TTC28: variants seen among roughly 807,000 people sequenced by gnomAD.
The protein encoded by TTC28 is tetratricopeptide repeat protein 28.
A neutral mutation model predicts 198.0 loss-of-function variants in TTC28; 61 were observed. The ratio of observed to expected loss-of-function variants is 0.31; its 90% CI spans 0.25 to 0.38. The LOEUF is 0.38. Ranked by LOEUF, TTC28 falls within the 10% of genes least tolerant of loss-of-function variation. The pLI, the probability that TTC28 is intolerant of heterozygous loss-of-function variation, is 1.00. For synonymous variants in TTC28, 1,171 were observed against 1,297.8 expected, an observed-to-expected ratio of 0.90 and a Z score of 2.10; for missense variants, 2,678 against 3,164.0, an observed-to-expected ratio of 0.85 and a Z score of 3.69.
At chr22:28,125,087 C>T (rs746059727) in intron 6 of TTC28, among the ~76,000 whole-genome samples, 2 of 152,174 alleles carry the variant, frequency 1.3e-5, no homozygotes, top group Non-Finnish European at 2.9e-5. Flanking sequence ...AAAGAGCTCA[C>T]CATGCTCTCA....
intron 12 of TTC28, among the ~76,000 whole-genome samples, chr22:28,032,267 AGTGT>A (rs370005298): frequency 0.065 from 5,058 of 78,086 alleles, 309 homozygotes; most frequent in Middle Eastern, 0.11. Context: ...ATATATATAT[AGTGT>A]GTGTGTGTGT....
At chr22:28,217,769 T>C (rs186486804) in intron 5 of TTC28, among the ~76,000 whole-genome samples, 1 of 152,342 alleles carries the variant, frequency 6.6e-6, no homozygotes. Context: ...CATAACAATG[T>C]TTAATGTATA....
At chr22:28,335,897 G>T (rs1160839084) in intron 2 of TTC28, among the ~76,000 whole-genome samples, 1 of 152,164 alleles carries the variant, frequency 6.6e-6, no homozygotes, top group Non-Finnish European at 1.5e-5. Flanking sequence ...TGGTGAGAGA[G>T]GGCATCCCTG....
Position 28,593,697 on chromosome 22 carries a change from A to G in TTC28, c.381+35855T>C, listed in dbSNP as rs77983580. Among the ~76,000 whole-genome samples, 211 of 152,318 alleles carry G rather than the reference A, an allele frequency of 1.4e-3. 2 individuals carry two copies. Among genetic ancestry groups the G allele is most frequent in the African/African-American group, 5.0e-3 (208 of 41,572 alleles). On this transcript the variant is annotated intron_variant, in intron 2 of 22. Transcript: ENST00000397906. ...AGTTTTTACTGTACACTCTTTTTGTACCTTCTTAAATTTTATTGTATAAGT... is the reference window on the plus strand; with the variant it reads ...AGTTTTTACTGTACACTCTTTTTGTGCCTTCTTAAATTTTATTGTATAAGT...
chr22:27,992,971 C>T (rs1027569177), intron 18 of TTC28: 7 of 558,368 alleles, frequency 1.3e-5, no homozygotes, highest in Admixed American at 6.8e-5. Flanking sequence ...CGCACAGCTT[C>T]ATCGGGGCCA....
intron 5 of TTC28, among the ~76,000 whole-genome samples, chr22:28,210,891 G>C (rs1241329345): frequency 6.6e-6 from 1 of 152,116 alleles, no homozygotes; most frequent in Admixed American, 6.5e-5. Context: ...CAGAGAGAAA[G>C]GTCGGGTTAT....
chr22:27,989,640 G>A (rs1265901112), intron 21 of TTC28, among the ~76,000 whole-genome samples: 1 of 151,980 alleles, frequency 6.6e-6, no homozygotes, highest in African/African-American at 2.4e-5. Context: ...TAGAGATGGG[G>A]TCTCCCTGTG....
chr22:28,484,574 A>G (rs2048294582), intron 2 of TTC28, among the ~76,000 whole-genome samples: 1 of 152,112 alleles, frequency 6.6e-6, no homozygotes, highest in African/African-American at 2.4e-5. Context: ...CATCCTATGT[A>G]CTCATCATAC....
intron 5 of TTC28, among the ~76,000 whole-genome samples, chr22:28,193,036 G>A (rs1469554293): frequency 3.3e-5 from 5 of 152,196 alleles, no homozygotes; most frequent in Non-Finnish European, 7.3e-5. Context: ...AGGGCAGCCA[G>A]AGAGAAAGGT....
At chr22:28,579,206 CACAT>C (rs932969739) in intron 2 of TTC28, among the ~76,000 whole-genome samples, 24 of 149,934 alleles carry the variant, frequency 1.6e-4, no homozygotes, top group Middle Eastern at 3.7e-3. Flanking sequence ...ATTATATATA[CACAT>C]ACATACATAC....
intron 12 of TTC28, among the ~76,000 whole-genome samples, chr22:28,091,615 C>A (rs932603899): frequency 6.6e-6 from 1 of 152,098 alleles, no homozygotes; most frequent in South Asian, 2.1e-4. Context: ...GGCTTAGGGA[C>A]ACAAAGTCCC....
intron 2 of TTC28, among the ~76,000 whole-genome samples, chr22:28,429,423 C>T (rs980007468): frequency 6.6e-6 from 1 of 152,304 alleles, no homozygotes; most frequent in Admixed American, 6.5e-5. Flanking sequence ...CACTAACATA[C>T]TTGCCTCGAT....
intron 12 of TTC28, among the ~76,000 whole-genome samples, chr22:28,065,005 T>C (rs1446309194): frequency 6.6e-6 from 1 of 152,236 alleles, no homozygotes; most frequent in Non-Finnish European, 1.5e-5. Flanking sequence ...AGTGTACTGA[T>C]GCATCATTTT....
At chr22:28,123,073 A>G (rs542249960) in intron 6 of TTC28, among the ~76,000 whole-genome samples, 1 of 152,324 alleles carries the variant, frequency 6.6e-6, no homozygotes, top group African/African-American at 2.4e-5. Flanking sequence ...AGCAGGCCCA[A>G]ACTTCTCTTG....
At chr22:28,201,018 G>A (rs769406500) in intron 5 of TTC28, among the ~76,000 whole-genome samples, 2 of 152,056 alleles carry the variant, frequency 1.3e-5, no homozygotes, top group Admixed American at 6.6e-5. Flanking sequence ...TCCTCACTAC[G>A]TGCCAGGCAG....
At chr22:28,621,758 A>AAAAAG (rs2051002883) in intron 2 of TTC28, among the ~76,000 whole-genome samples, 1 of 149,470 alleles carries the variant, frequency 6.7e-6, no homozygotes, top group African/African-American at 2.5e-5. Context: ...AAAAAAAAAA[A>AAAAAG]AAAAGAAAGA....
intron 2 of TTC28, among the ~76,000 whole-genome samples, chr22:28,534,025 A>T (rs559553070): frequency 6.6e-6 from 1 of 152,330 alleles, no homozygotes; most frequent in South Asian, 2.1e-4. Flanking sequence ...CTAAAACACC[A>T]AAAGCAATGG....
chr22:28,041,812 G>A (rs1939650624), intron 12 of TTC28, among the ~76,000 whole-genome samples: 1 of 151,838 alleles, frequency 6.6e-6, no homozygotes, highest in Admixed American at 6.6e-5. Flanking sequence ...CAGAATGGGA[G>A]AAAATCTTTG....
intron 2 of TTC28, among the ~76,000 whole-genome samples, chr22:28,419,216 T>A (rs1468281967): frequency 1.3e-5 from 2 of 152,314 alleles, no homozygotes; most frequent in South Asian, 2.1e-4. Context: ...ATTTCCTCCA[T>A]ATCTACTTGT....
Sources: allele counts gnomAD v4.1 joint callset (sites outside exome capture counted in the v4.1 genomes callset), GRCh38; gene constraint gnomAD v4.1.1; transcripts MANE v1.5; gene names NCBI Gene and HGNC (gene_info 2026-07-23, HGNC 2026-07-21).